Variants in DENND4B observed in about 807,000 individuals in gnomAD.
DENND4B encodes DENN domain-containing protein 4B.
Under a neutral mutation model 161.0 loss-of-function variants are expected in DENND4B, and 67 were observed. The ratio of observed to expected loss-of-function variants is 0.42; its 90% CI spans 0.34 to 0.51. The LOEUF is 0.51. Ranked by LOEUF, DENND4B falls within the 20% of genes least tolerant of loss-of-function variation. DENND4B has a pLI of 0.08. For missense variants in DENND4B, 1,481 were observed against 1,968.0 expected (o/e 0.75, Z 4.68); for synonymous variants, 753 against 813.8 (o/e 0.93, Z 1.27).
rs1486958908 is a variant in DENND4B, at chr1:153,936,947, C to CA, written c.2233-200dup. Among the ~76,000 whole-genome samples the CA allele has an allele frequency of 1.3e-5, 2 of 152,208 alleles. No homozygotes were observed. Among genetic ancestry groups the CA allele is most frequent in the Admixed American group, 6.5e-5 (1 of 15,288 alleles). On this transcript the variant is annotated intron_variant, in intron 15 of 27. Coordinates refer to ENST00000361217, the MANE Select transcript of DENND4B (RefSeq NM_014856.3). The surrounding 1 kb of genome is among the most constrained non-coding windows in gnomAD (Gnocchi z 4.1). ...GTCTCAAGTAGCTGGGACGCACCAC[C>CA]AAGCCCGACTGATTGTTTTGTACTT...
Position 153,933,058 on chromosome 1 carries a change from G to A in DENND4B, c.3454-28C>T. The A allele has an allele frequency of 2.5e-6, 4 of 1,611,026 alleles. No homozygotes were observed. Among genetic ancestry groups the A allele is most frequent in the Non-Finnish European group, 3.4e-6 (4 of 1,177,900 alleles). ...GTGGGCAGGGAGAGTCGGGAAGTAGGTGCTGTCTGGCCGCCAGCACTCTGG... is the reference window on the plus strand; with the variant it reads ...GTGGGCAGGGAGAGTCGGGAAGTAGATGCTGTCTGGCCGCCAGCACTCTGG... On this transcript the variant is annotated intron_variant, in intron 21 of 27. Transcript: ENST00000361217. This position sits in a 1 kb window ranked among gnomAD's most constrained non-coding sequence, Gnocchi z 5.7.
chr1:153,935,100 C>T, intron 17 of DENND4B, 136 bp from the exon 18 acceptor site: 3 of 1,457,270 alleles, frequency 2.1e-6, no homozygotes, highest in Non-Finnish European at 2.7e-6. Flanking sequence ...GCCAATGGCT[C>T]AGCCAGGAAC....
chr1:153,941,584 C>G (rs992300747), intron 6 of DENND4B, 144 bp from the exon 7 acceptor site: 2 of 1,133,620 alleles, frequency 1.8e-6, no homozygotes, highest in African/African-American at 3.1e-5. Context: ...CCAACAGAAC[C>G]TCCATTATGC....
At chr1:153,941,773 C>CCGGGGGGGCG in intron 6 of DENND4B, 96 bp downstream of exon 6, 1 of 1,426,304 alleles carries the variant, frequency 7.0e-7, no homozygotes, top group Non-Finnish European at 9.6e-7. Flanking sequence ...ACCCTGTGCC[C>CCGGGGGGGCG]AGCCCTCCCC....
At position 153,940,350 on chromosome 1, in the gene DENND4B, T is replaced by C; in HGVS notation, c.1502+81A>G. ...CTCCCTCACTTTGTGCCTGAAGCTC[T>C]TTTTGAGCCCGTAGCACTCCACACA... On this transcript the variant is annotated intron_variant, in intron 10 of 27. Coordinates refer to ENST00000361217, the MANE Select transcript of DENND4B (RefSeq NM_014856.3). This position sits in a 1 kb window ranked among gnomAD's most constrained non-coding sequence, Gnocchi z 5.6. 1 of 1,566,362 alleles carries C rather than the reference T, an allele frequency of 6.4e-7. No homozygotes were observed. Among genetic ancestry groups the C allele is most frequent in the African/African-American group, 1.4e-5 (1 of 74,014 alleles).
At position 153,942,030 on chromosome 1, in the gene DENND4B, C is replaced by G; in HGVS notation, c.894G>C (p.Leu298=). Residue 298 remains leucine, a synonymous_variant, in exon 6 of 28, where the codon CTG becomes CTC. Coordinates refer to ENST00000361217, the MANE Select transcript of DENND4B (RefSeq NM_014856.3). This position sits in a 1 kb window ranked among gnomAD's most constrained non-coding sequence, Gnocchi z 6.9. ...GTGCCCGACCCCGCTCCACGGCGCT[C>G]AGCAGGCCCAGTGCCCGTGCCTGTC... ...SERQARALGL[L]SAVERGRALG... is the part of the protein sequence containing the mutation. The G allele has an allele frequency of 3.7e-6, 6 of 1,611,486 alleles. No homozygotes were observed. Among genetic ancestry groups the G allele is most frequent in the Non-Finnish European group, 5.1e-6 (6 of 1,178,934 alleles).
chr1:153,940,411 A>C lies in DENND4B; in HGVS notation c.1502+20T>G, dbSNP rs766259575. Reference sequence around the variant, plus strand: ...CCTGCCCACCACCCTGCAGCCCCCAAATGAGACCCAGCCTCTTACTGGAAG... The same window carrying C: ...CCTGCCCACCACCCTGCAGCCCCCACATGAGACCCAGCCTCTTACTGGAAG... On this transcript the variant is annotated intron_variant, in intron 10 of 27. Transcript: ENST00000361217. This position sits in a 1 kb window ranked among gnomAD's most constrained non-coding sequence, Gnocchi z 5.6. The C allele has an allele frequency of 3.1e-6, 5 of 1,608,864 alleles. No individual in the cohort carries two copies. The South Asian group carries it at 5.5e-5, about 18-fold the overall frequency.
rs797001327 is a variant in DENND4B, at chr1:153,937,535, G to T, written c.2185C>A (p.Pro729Thr). The T allele has an allele frequency of 6.2e-7, 1 of 1,606,996 alleles. No homozygotes were observed. Among genetic ancestry groups the T allele is most frequent in the East Asian group, 2.2e-5 (1 of 44,626 alleles). ...EQPGALPVPG[P>T]SRSAPSSPAP... ...GGACTGCTGGGGGCGCTACGGGAAG[G>T]GCCTGGCACAGGCAGGGCCCCAGGT... Residue 729 changes from proline (P) to threonine (T), a missense_variant, in exon 15 of 28, where the codon CCT (proline) becomes ACT (threonine). Pro to Thr is a conservative substitution (Grantham distance 38). Coordinates refer to ENST00000361217, the MANE Select transcript of DENND4B (RefSeq NM_014856.3). This position sits in a 1 kb window ranked among gnomAD's most constrained non-coding sequence, Gnocchi z 4.7.
Position 153,930,264 on chromosome 1 carries a change from C to G in DENND4B, c.*33G>C. On this transcript the variant is annotated 3_prime_UTR_variant, in exon 28 of 28. Coordinates refer to ENST00000361217, the MANE Select transcript of DENND4B (RefSeq NM_014856.3). The surrounding 1 kb of genome is among the most constrained non-coding windows in gnomAD (Gnocchi z 4.7). ...CTAGAATCCCTTCTTCCTCACTTCC[C>G]CACCCTAGGCTGGAGAGGGAAGCTT... 6.3e-7 allele frequency: 1 copy of G among 1,598,834 alleles called. No homozygotes were observed. The highest frequency in any genetic ancestry group is 8.6e-7 in the Non-Finnish European group (1 of 1,168,640).
At chr1:153,943,310 C>G (rs866535990) in intron 2 of DENND4B, among the ~76,000 whole-genome samples, 180 bp from the exon 3 acceptor site, 1 of 152,226 alleles carries the variant, frequency 6.6e-6, no homozygotes, top group South Asian at 2.1e-4. Context: ...TGTGCCCTTT[C>G]TTTGGCCTTT....
At position 153,941,895 on chromosome 1, in the gene DENND4B, T is replaced by C. The variant is rs745513903; in HGVS notation, c.1029A>G (p.Ser343=). ...CTTCCAAGGGTAGGCGGTGGGGGCCTGAGACGGAGTAGCGGTAAAGGAAGG... is the reference window on the plus strand; with the variant it reads ...CTTCCAAGGGTAGGCGGTGGGGGCCCGAGACGGAGTAGCGGTAAAGGAAGG... The part of the protein sequence containing the change: ...FLTFLYRYSV[S]GPHRLPLEAH... Residue 343 remains serine, a synonymous_variant, in exon 6 of 28, where the codon TCA becomes TCG. Coordinates refer to ENST00000361217, the MANE Select transcript of DENND4B (RefSeq NM_014856.3). The C allele has an allele frequency of 5.0e-6, 8 of 1,611,728 alleles. No individual in the cohort carries two copies. The East Asian group carries it at 1.8e-4, about 36-fold the overall frequency.
At position 153,932,102 on chromosome 1, in the gene DENND4B, TG is replaced by T; in HGVS notation, c.3996+101del. On this transcript the variant is annotated intron_variant, in intron 24 of 27. Transcript: ENST00000361217. This position sits in a 1 kb window ranked among gnomAD's most constrained non-coding sequence, Gnocchi z 5.8. ...GATTACAGGCATGAGCCACCGTGCC[TG>T]GCCAGTCTATGCTCTTTCTACAGTG... 1 of 1,153,198 alleles carries T rather than the reference TG, an allele frequency of 8.7e-7. No homozygotes were observed. The highest frequency in any genetic ancestry group is 1.2e-6 in the Non-Finnish European group (1 of 809,992). The allele number at this position is 1,153,198 out of a possible 1,614,324, so 71.4% of individuals were successfully genotyped here.
chr1:153,946,233 C>A lies in DENND4B; in HGVS notation c.-24+68G>T, dbSNP rs1389252482. Reference sequence around the variant, plus strand: ...AGCAGCTGGGGGCCATCCCCCACCCCGCCTGCCGCCCGCGCTCCCTCCTGC... The same window carrying A: ...AGCAGCTGGGGGCCATCCCCCACCCAGCCTGCCGCCCGCGCTCCCTCCTGC... On this transcript the variant is annotated intron_variant, in intron 1 of 27. Transcript: ENST00000361217. This position sits in a 1 kb window ranked among gnomAD's most constrained non-coding sequence, Gnocchi z 6.3. 6.1e-6 allele frequency: 2 copies of A among 328,448 alleles called. No homozygotes were observed. The highest frequency in any genetic ancestry group is 1.1e-5 in the Non-Finnish European group (2 of 181,336). 20.3% of individuals were successfully genotyped at this position (328,448 alleles called of 1,614,324 possible). A position where few individuals can be genotyped will look rare whatever the true frequency, so the allele number is the denominator to read the frequency against.
chr1:153,945,116 A>G, intron 1 of DENND4B: 3 of 1,289,414 alleles, frequency 2.3e-6, no homozygotes, highest in Middle Eastern at 2.1e-4. Flanking sequence ...AAACAGGCCC[A>G]CAACAGCCTA....
chr1:153,933,314 T>A lies in DENND4B; in HGVS notation c.3336A>T (p.Ser1112=). 1 of 1,613,530 alleles carries A rather than the reference T, an allele frequency of 6.2e-7. No homozygotes were observed. ...ERPGSTASES[S]ASLGSEWDLS... Reference sequence around the variant, plus strand: ...GGTCCCACTCACTGCCCAGAGAGGCTGAGCTCTACCATGACATGAGAAACC... The same window carrying A: ...GGTCCCACTCACTGCCCAGAGAGGCAGAGCTCTACCATGACATGAGAAACC... The change falls in exon 21 of 28, where the codon TCA becomes TCT. Residue 1112 remains serine, a synonymous_variant. Transcript: ENST00000361217. This position sits in a 1 kb window ranked among gnomAD's most constrained non-coding sequence, Gnocchi z 5.7.
At position 153,936,586 on chromosome 1, in the gene DENND4B, C is replaced by T. The variant is rs1188610709; in HGVS notation, c.2395G>A (p.Val799Met). Residue 799 changes from valine to methionine, a missense_variant, in exon 16 of 28, where the codon GTG becomes ATG. Coordinates refer to ENST00000361217, the MANE Select transcript of DENND4B (RefSeq NM_014856.3). This position sits in a 1 kb window ranked among gnomAD's most constrained non-coding sequence, Gnocchi z 4.1. Reference protein sequence around the residue: ...RVQALHTAYHVLRQMESGKVV... With the variant: ...RVQALHTAYHMLRQMESGKVV... ...TTGCCGCTCTCCATCTGGCGCAGCA[C>T]ATGGTAGGCTGTGTGCAGTGCCTGC... The T allele has an allele frequency of 6.2e-7, 1 of 1,610,802 alleles. No homozygotes were observed. The highest frequency in any genetic ancestry group is 8.5e-7 in the Non-Finnish European group (1 of 1,178,104).
rs1273320118 is a variant in DENND4B at position 153,944,855 on chromosome 1, GT to G, written c.-23-459del. ...ATAAGAACCTTGTGATCCTGCCAAT[GT>G]TCTTAAAGAGCCCACTCCTAGGTTT... On this transcript the variant is annotated intron_variant, in intron 1 of 27. Coordinates refer to ENST00000361217, the MANE Select transcript of DENND4B (RefSeq NM_014856.3). This position sits in a 1 kb window ranked among gnomAD's most constrained non-coding sequence, Gnocchi z 4.8. Among the ~76,000 whole-genome samples, 15 of 152,118 alleles carry G rather than the reference GT, an allele frequency of 9.9e-5. No individual in the cohort carries two copies. Among genetic ancestry groups the G allele is most frequent in the Non-Finnish European group, 1.5e-5 (1 of 68,010 alleles).
chr1:153,932,096 C>G lies in DENND4B; in HGVS notation c.3996+108G>C. On this transcript the variant is annotated intron_variant, in intron 24 of 27. Transcript: ENST00000361217. This position sits in a 1 kb window ranked among gnomAD's most constrained non-coding sequence, Gnocchi z 5.8. ...TGCTGGGATTACAGGCATGAGCCAC[C>G]GTGCCTGGCCAGTCTATGCTCTTTC... The G allele has an allele frequency of 9.3e-7, 1 of 1,074,106 alleles. No homozygotes were observed. Among genetic ancestry groups the G allele is most frequent in the Non-Finnish European group, 1.3e-6 (1 of 743,150 alleles). 66.5% of individuals were successfully genotyped at this position (1,074,106 alleles called of 1,614,324 possible). A position where few individuals can be genotyped will look rare whatever the true frequency, so the allele number is the denominator to read the frequency against.
At chr1:153,939,508 C>T in intron 12 of DENND4B, 81 bp downstream of exon 12, 1 of 1,458,816 alleles carries the variant, frequency 6.9e-7, no homozygotes, top group Non-Finnish European at 9.3e-7. Context: ...GCTCCCAGTC[C>T]CCTCCGCCTT....
Sources: allele counts gnomAD v4.1 joint callset (sites outside exome capture counted in the v4.1 genomes callset), GRCh38; gene constraint gnomAD v4.1.1; non-coding constraint Gnocchi (gnomAD v3.1); transcripts MANE v1.5; gene names NCBI Gene and HGNC (gene_info 2026-07-23, HGNC 2026-07-21).